Variants in SPATA9 observed in about 807,000 individuals in gnomAD.
The protein encoded by SPATA9 is spermatogenesis associated 9, also known as spermatogenesis-associated protein 9.
A neutral mutation model predicts 25.5 loss-of-function variants in SPATA9; 27 were observed. The observed-to-expected ratio is 1.06, with a 90% confidence interval of 0.78 to 1.46. The LOEUF (loss-of-function observed/expected upper bound fraction) is 1.46. Ranked by LOEUF, SPATA9 falls within the 40% of genes most tolerant of loss-of-function variation. The pLI is 0.00. For missense variants in SPATA9, 282 were observed against 297.5 expected, an observed-to-expected ratio of 0.95 and a Z score of 0.38; for synonymous variants, 102 against 105.7, an observed-to-expected ratio of 0.97 and a Z score of 0.21.
At chr5:95,661,414 A>G (rs533957863) in intron 4 of SPATA9, among the ~76,000 whole-genome samples, 35 of 152,202 alleles carry the variant, frequency 2.3e-4, no homozygotes, top group African/African-American at 8.2e-4. Flanking sequence ...CAGGCCTTAG[A>G]TACATATATG....
At chr5:95,693,274 A>T (rs1753934110) in intron 1 of SPATA9, among the ~76,000 whole-genome samples, 1 of 152,378 alleles carries the variant, frequency 6.6e-6, no homozygotes, top group Admixed American at 6.5e-5. Context: ...CCTAGATATG[A>T]GAATGTTCAC....
At chr5:95,653,295 G>A (rs549221746) in intron 8 of SPATA9, 18 of 1,530,432 alleles carry the variant, frequency 1.2e-5, no homozygotes, top group Non-Finnish European at 1.5e-5. Context: ...AGAGCCAACT[G>A]TGTACTCCAG....
intron 1 of SPATA9, among the ~76,000 whole-genome samples, chr5:95,692,959 C>T (rs1276545664): frequency 3.3e-5 from 5 of 152,270 alleles, no homozygotes; most frequent in African/African-American, 1.2e-4. Context: ...CTGTATTATT[C>T]AATTCTTTTA....
At chr5:95,661,957 AAT>A (rs1751310494) in intron 4 of SPATA9, among the ~76,000 whole-genome samples, 1 of 152,076 alleles carries the variant, frequency 6.6e-6, no homozygotes, top group African/African-American at 2.4e-5. Flanking sequence ...GAAATTAAAG[AAT>A]ATCAAAATAA....
intron 3 of SPATA9, among the ~76,000 whole-genome samples, chr5:95,671,511 G>A (rs1752369736): frequency 6.6e-6 from 1 of 152,202 alleles, no homozygotes; most frequent in Admixed American, 6.5e-5. Flanking sequence ...CAGGGTTCAA[G>A]CGATTCTCCT....
chr5:95,730,090 A>T, the SPATA9 span, among the ~76,000 whole-genome samples: 1 of 152,138 alleles, frequency 6.6e-6, no homozygotes, highest in East Asian at 1.9e-4. Context: ...AGATTAAAAA[A>T]AAAAACAGTG....
intron 4 of SPATA9, among the ~76,000 whole-genome samples, chr5:95,660,925 C>A (rs1751197943): frequency 6.6e-6 from 1 of 151,702 alleles, no homozygotes; most frequent in Non-Finnish European, 1.5e-5. Context: ...AATTAAAAAT[C>A]TCTGGGAATC....
chr5:95,729,161 A>G, the SPATA9 span, among the ~76,000 whole-genome samples: 1 of 152,204 alleles, frequency 6.6e-6, no homozygotes, highest in Non-Finnish European at 1.5e-5. Flanking sequence ...AGTAGCCATT[A>G]TTTTATTCCT....
chr5:95,694,341 T>C (rs1235372549), intron 1 of SPATA9, among the ~76,000 whole-genome samples: 1 of 152,168 alleles, frequency 6.6e-6, no homozygotes, highest in African/African-American at 2.4e-5. Flanking sequence ...TCAGCTATGG[T>C]CATAGAGTAT....
the SPATA9 span, among the ~76,000 whole-genome samples, chr5:95,724,109 T>C: frequency 0.41 from 62,817 of 151,984 alleles, 13,453 homozygotes; most frequent in East Asian, 0.73. Context: ...AGAAGGATAA[T>C]TGAATATGTC....
At chr5:95,720,292 T>C in the SPATA9 span, among the ~76,000 whole-genome samples, 856 of 151,852 alleles carry the variant, frequency 5.6e-3, 9 homozygotes, top group South Asian at 0.045. Context: ...ATGACATTTC[T>C]AGCTCAGTTG....
At chr5:95,683,532 A>AGTTT (rs541091026), upstream of SPATA9, among the ~76,000 whole-genome samples, 103 of 152,068 alleles carry the variant, frequency 6.8e-4, no homozygotes, top group Admixed American at 2.4e-3. Context: ...ATATATATAT[A>AGTTT]GTTTGTTTGT....
intron 4 of SPATA9, among the ~76,000 whole-genome samples, chr5:95,661,589 G>C (rs566291390): frequency 6.6e-6 from 1 of 152,130 alleles, no homozygotes; most frequent in Admixed American, 6.5e-5. Context: ...TGTTCATTTT[G>C]TGCAATGTAT....
At chr5:95,713,261 T>G in the SPATA9 span, among the ~76,000 whole-genome samples, 1 of 151,526 alleles carries the variant, frequency 6.6e-6, no homozygotes, top group Non-Finnish European at 1.5e-5. Context: ...TTCACTTACT[T>G]CCTAGAGGAA....
In SPATA9 at chr5:95,675,384, G is replaced by C. The variant is rs374310596; in HGVS notation, c.378+28C>G. 1.4e-4 allele frequency: 223 copies of C among 1,547,814 alleles called. No individual in the cohort carries two copies. In the African/African-American group the frequency reaches 2.8e-3, roughly 19 times the overall value. On this transcript the variant is annotated intron_variant, in intron 3 of 4. Coordinates refer to ENST00000274432, the MANE Select transcript of SPATA9 (RefSeq NM_031952.4). ...AATTTAAAAGTTTCTTAAAAAAGGG[G>C]AATTGTGCATATGCAGTATTCCCTT...
the SPATA9 span, among the ~76,000 whole-genome samples, chr5:95,704,299 G>C: frequency 2.6e-5 from 4 of 152,010 alleles, no homozygotes; most frequent in African/African-American, 9.7e-5. Flanking sequence ...GTTTGTTTTT[G>C]TTCCTAAATA....
chr5:95,694,596 A>G (rs1483978489), intron 1 of SPATA9, among the ~76,000 whole-genome samples: 1 of 152,260 alleles, frequency 6.6e-6, no homozygotes, highest in Non-Finnish European at 1.5e-5. Flanking sequence ...CAGACATGAC[A>G]TAATTCACTA....
At chr5:95,711,848 C>T in the SPATA9 span, among the ~76,000 whole-genome samples, 1 of 152,200 alleles carries the variant, frequency 6.6e-6, no homozygotes, top group Non-Finnish European at 1.5e-5. Context: ...TACAGGGAAC[C>T]TGATTAGGAT....
At chr5:95,725,122 A>G in the SPATA9 span, among the ~76,000 whole-genome samples, 1 of 152,364 alleles carries the variant, frequency 6.6e-6, no homozygotes, top group African/African-American at 2.4e-5. Context: ...CTTTGTTTAT[A>G]ATAGGCAAAA....
Sources: gnomAD v4.1 joint callset for allele counts (sites outside exome capture counted in the v4.1 genomes callset) on GRCh38, gnomAD v4.1.1 for gene constraint, MANE v1.5 for transcripts, NCBI Gene and HGNC (gene_info 2026-07-23, HGNC 2026-07-21) for gene names.